The following ARHGEF12 variants were observed in gnomAD, a reference collection of about 807,000 sequenced individuals.
ARHGEF12 encodes Rho guanine nucleotide exchange factor 12.
In ARHGEF12, 66 loss-of-function variants were observed where a neutral mutation model predicts 211.2. The observed-to-expected ratio is 0.31, with a 90% CI of 0.26 to 0.38. The LOEUF is 0.38. Among genes scored for constraint, ARHGEF12 ranks in the 10% least tolerant of loss-of-function variants. The pLI is 1.00. For synonymous variants in ARHGEF12, 592 were observed against 638.4 expected, an observed-to-expected ratio of 0.93 and a Z score of 1.09; for missense variants, 1,429 against 1,869.5, an observed-to-expected ratio of 0.76 and a Z score of 4.34.
intron 1 of ARHGEF12, among the ~76,000 whole-genome samples, chr11:120,395,541 A>G (rs1317351529): frequency 1.3e-5 from 2 of 152,248 alleles, no homozygotes; most frequent in Admixed American, 6.5e-5. Flanking sequence ...TAATGAAGAC[A>G]TATCCGAGAC....
chr11:120,430,323 T>C (rs1945487206), intron 10 of ARHGEF12, among the ~76,000 whole-genome samples: 1 of 152,118 alleles, frequency 6.6e-6, no homozygotes, highest in African/African-American at 2.4e-5. Context: ...TAGAGAGAGT[T>C]AGAGAGATTA....
At chr11:120,459,622 A>AT (rs1335841234) in intron 26 of ARHGEF12, among the ~76,000 whole-genome samples, 1 of 152,042 alleles carries the variant, frequency 6.6e-6, no homozygotes, top group African/African-American at 2.4e-5. Context: ...CTTTAAATAT[A>AT]TATATCCAAT....
intron 7 of ARHGEF12, among the ~76,000 whole-genome samples, chr11:120,425,339 GTTTT>G (rs1323273529): frequency 2.8e-5 from 4 of 142,178 alleles, no homozygotes; most frequent in Admixed American, 1.4e-4. Context: ...TGTTTTCTTG[GTTTT>G]TTTTTTTTTT....
At position 120,403,237 on chromosome 11, in the gene ARHGEF12, C is replaced by T. The variant is rs570752831; in HGVS notation, c.33-2881C>T. ...AAAAGTAAAGGCAGGCCAGGCGCGG[C>T]GGCTCACACCTGTAATCCCAGCACT... On this transcript the variant is annotated intron_variant, in intron 1 of 40. Transcript: ENST00000397843. 2.0e-3 allele frequency among the ~76,000 whole-genome samples: 306 copies of T among 152,142 alleles called. 1 individual carries two copies. Among genetic ancestry groups the T allele is most frequent in the Non-Finnish European group, 3.6e-3 (244 of 67,998 alleles).
intron 1 of ARHGEF12, among the ~76,000 whole-genome samples, chr11:120,349,191 G>A (rs1942858903): frequency 6.6e-6 from 1 of 152,196 alleles, no homozygotes; most frequent in Non-Finnish European, 1.5e-5. Flanking sequence ...AGTGTATAAA[G>A]TTAAATTGGG....
At chr11:120,437,532 A>C in intron 12 of ARHGEF12, 150 bp downstream of exon 12, 1 of 508,808 alleles carries the variant, frequency 2.0e-6, no homozygotes. Flanking sequence ...TAAAGATTTG[A>C]ATAAGTCAAG....
chr11:120,337,830 T>C (rs1942402892), intron 1 of ARHGEF12: 1 of 985,352 alleles, frequency 1.0e-6, no homozygotes, highest in Non-Finnish European at 1.2e-6. Flanking sequence ...AAATCACAGG[T>C]TCTTGCTGGA....
intron 7 of ARHGEF12, among the ~76,000 whole-genome samples, chr11:120,425,306 C>T (rs1355635092): frequency 6.6e-6 from 1 of 150,734 alleles, no homozygotes; most frequent in African/African-American, 2.4e-5. Context: ...TTTAACCTTA[C>T]CTGCTTTCCA....
intron 1 of ARHGEF12, among the ~76,000 whole-genome samples, chr11:120,388,943 G>GCCT (rs757172851): frequency 1.3e-5 from 2 of 151,848 alleles, no homozygotes; most frequent in African/African-American, 4.8e-5. Flanking sequence ...GCTCACTACA[G>GCCT]CCTCCTCCTC....
chr11:120,451,203 G>A, intron 21 of ARHGEF12: 1 of 199,894 alleles, frequency 5.0e-6, no homozygotes, highest in Non-Finnish European at 1.0e-5. Context: ...TTTTGAGACG[G>A]AGTCTTGCTC....
intron 1 of ARHGEF12, among the ~76,000 whole-genome samples, chr11:120,401,369 T>C (rs1282027035): frequency 2.0e-5 from 3 of 152,242 alleles, no homozygotes; most frequent in Non-Finnish European, 2.9e-5. Flanking sequence ...CACTATGTGC[T>C]AAATCCCTAT....
At chr11:120,338,978 T>TACTGAAA (rs1277319234) in intron 1 of ARHGEF12, among the ~76,000 whole-genome samples, 2 of 151,544 alleles carry the variant, frequency 1.3e-5, no homozygotes, top group East Asian at 3.9e-4. Flanking sequence ...AATATGAAAT[T>TACTGAAA]ACTGAAAGCC....
intron 23 of ARHGEF12, 96 bp from the exon 24 acceptor site, chr11:120,457,625 A>G: frequency 1.2e-6 from 1 of 825,656 alleles, no homozygotes; most frequent in Middle Eastern, 3.7e-4. Context: ...TTATTTATCA[A>G]GCTGCTGGAG....
rs752246035 is a variant in ARHGEF12 at position 120,440,191 on chromosome 11, AGAT to A, written c.1069_1071del (p.Asp357del). 1 of 1,613,864 alleles carries A rather than the reference AGAT, an allele frequency of 6.2e-7. No homozygotes were observed. The highest frequency in any genetic ancestry group is 2.2e-5 in the East Asian group (1 of 44,864). ...TAGCACCTCATATTATTGGAGCAGA[AGAT>A]GATGATTTTGGTACTGAACATGAAC... On this transcript the variant is annotated inframe_deletion, in exon 13 of 41. Transcript: ENST00000397843.
chr11:120,354,306 T>C (rs529691023), intron 1 of ARHGEF12, among the ~76,000 whole-genome samples: 1 of 152,308 alleles, frequency 6.6e-6, no homozygotes, highest in South Asian at 2.1e-4. Context: ...CAAGTCCTCT[T>C]TCCCATTCCC....
intron 10 of ARHGEF12, among the ~76,000 whole-genome samples, chr11:120,431,425 G>T (rs992348464): frequency 6.6e-6 from 1 of 151,972 alleles, no homozygotes; most frequent in Non-Finnish European, 1.5e-5. Context: ...AAACTATAGG[G>T]TAATAACCTT....
intron 1 of ARHGEF12, among the ~76,000 whole-genome samples, chr11:120,357,602 C>T (rs1943164765): frequency 6.6e-6 from 1 of 152,180 alleles, no homozygotes; most frequent in African/African-American, 2.4e-5. Context: ...CAGAGTCTCA[C>T]TCCATCACCC....
rs1945407305 is a variant in ARHGEF12 at position 120,428,118 on chromosome 11, C to T, written c.456C>T (p.Pro152=). 1 of 1,608,722 alleles carries T rather than the reference C, an allele frequency of 6.2e-7. No individual in the cohort carries two copies. ...TTCAGGGACGCCCACCTGGGTCGCC[C>T]CAGATTCCACTTGCCGACTCTGAAG... The part of the protein sequence containing the change: ...LTVQGRPPGS[P]QIPLADSEVE... Residue 152 remains proline (P), a synonymous_variant, in exon 8 of 41, where the codon CCC becomes CCT. Transcript: ENST00000397843.
At position 120,437,383 on chromosome 11, in the gene ARHGEF12, G is replaced by A. The variant is rs994032502; in HGVS notation, c.999+1G>A. ...GAAAAGTGAAACAATTCAGGACACT[G>A]TGAGTATGAAATCCATGCAATGATA... On this transcript the variant is annotated splice_donor_variant, in intron 12 of 40. Transcript: ENST00000397843. LOFTEE classifies it high-confidence loss of function. The A allele has an allele frequency of 6.2e-7, 1 of 1,610,256 alleles. No homozygotes were observed. Among genetic ancestry groups the A allele is most frequent in the Non-Finnish European group, 8.5e-7 (1 of 1,177,638 alleles).
Sources: gnomAD v4.1 joint callset for allele counts (sites outside exome capture counted in the v4.1 genomes callset) on GRCh38, gnomAD v4.1.1 for gene constraint, MANE v1.5 for transcripts, NCBI Gene and HGNC (gene_info 2026-07-23, HGNC 2026-07-21) for gene names.